Variants in IFRD2 observed in about 807,000 individuals in gnomAD.
IFRD2 encodes the protein interferon related developmental regulator 2, also known as interferon-related developmental regulator 2.
IFRD2 carries 35 observed loss-of-function variants against 49.2 expected under a neutral mutation model. The ratio of observed to expected loss-of-function variants is 0.71; its 90% confidence interval spans 0.54 to 0.94. The LOEUF (loss-of-function observed/expected upper bound fraction) is 0.94, where lower values mean the gene tolerates loss of function less well. IFRD2 is among the 40% of genes least tolerant of loss of function. IFRD2 has a pLI of 0.00. For synonymous variants in IFRD2, 275 were observed against 239.7 expected (o/e 1.15, Z -1.36); for missense variants, 561 against 591.6 (o/e 0.95, Z 0.54).
chr3:50,290,222 C>T lies in IFRD2; in HGVS notation c.336G>A (p.Leu112=). 1 of 1,613,610 alleles carries T rather than the reference C, an allele frequency of 6.2e-7. No homozygotes were observed. Among genetic ancestry groups the T allele is most frequent in the Non-Finnish European group, 8.5e-7 (1 of 1,179,718 alleles). The part of the protein sequence containing the change: ...ALASRLLPDF[L]LERRLTLADA... The stretch of plus-strand genomic sequence containing the variant: ...CGGCTAGCGTGAGGCGGCGCTCCAG[C>T]AAGAAGTCGGGGAGTAGGCGGGACG... The change falls in exon 4 of 12, where the codon TTG becomes TTA. Residue 112 remains leucine, a synonymous_variant. Coordinates refer to ENST00000417626, the MANE Select transcript of IFRD2 (RefSeq NM_006764.5).
At chr3:50,289,876 TCTG>T (rs1276914666) in intron 5 of IFRD2, 50 bp downstream of exon 5, 1 of 1,607,018 alleles carries the variant, frequency 6.2e-7, no homozygotes, top group Non-Finnish European at 8.5e-7. Flanking sequence ...AACCCACCAC[TCTG>T]CTGAGGGATA....
At chr3:50,290,137 A>C in intron 4 of IFRD2, 33 bp downstream of exon 4, 1 of 1,612,428 alleles carries the variant, frequency 6.2e-7, no homozygotes, top group Non-Finnish European at 8.5e-7. Context: ...GTGTCTGCCC[A>C]GTTTAAGTCT....
intron 2 of IFRD2, 29 bp from the exon 3 acceptor site, chr3:50,290,501 C>G (rs782510169): frequency 1.3e-6 from 2 of 1,595,532 alleles, no homozygotes; most frequent in South Asian, 2.3e-5. Flanking sequence ...AGCACCGCTT[C>G]TTGTCCTCAG....
chr3:50,289,145 C>T, intron 8 of IFRD2, 110 bp downstream of exon 8: 3 of 1,180,694 alleles, frequency 2.5e-6, no homozygotes, highest in African/African-American at 1.5e-5. Flanking sequence ...TTGGGGCCAC[C>T]TCCTCTGCAT....
In IFRD2 at chr3:50,290,467, C is replaced by G. The variant is rs1162587255; in HGVS notation, c.184G>C (p.Asp62His). 3.2e-6 allele frequency: 5 copies of G among 1,577,660 alleles called. No individual in the cohort carries two copies. Among genetic ancestry groups the G allele is most frequent in the Admixed American group, 3.7e-5 (2 of 54,354 alleles). ...TGCTGGCCCTGCTCATCCACGACAT[C>G]CCCCCCTGCAAGGCCACCTGGTCAG... is the stretch of plus-strand genomic sequence containing the variant. ...STTAEDSLGG[D>H]VVDEQGQQED... The change falls in exon 3 of 12, where the codon GAT (aspartate) becomes CAT (histidine). Residue 62 changes from aspartate (D) to histidine (H), a missense_variant. Transcript: ENST00000417626.
In IFRD2 at chr3:50,288,402, T is replaced by G; in HGVS notation, c.1248+7A>C. 1 of 1,611,102 alleles carries G rather than the reference T, an allele frequency of 6.2e-7. No individual in the cohort carries two copies. Among genetic ancestry groups the G allele is most frequent in the Non-Finnish European group, 8.5e-7 (1 of 1,178,538 alleles). On this transcript the variant is annotated splice_region_variant and intron_variant, in intron 11 of 11. Transcript: ENST00000417626. Reference sequence around the variant, plus strand: ...GGGGGAAGAGAAAGGTGCCCAAGGGTGCAAACCTTCTCAAAGCGTGGAACC... The same window carrying G: ...GGGGGAAGAGAAAGGTGCCCAAGGGGGCAAACCTTCTCAAAGCGTGGAACC...
At position 50,289,950 on chromosome 3, in the gene IFRD2, AGC is replaced by A. The variant is rs1553709495; in HGVS notation, c.523_524del (p.Ala175Ter). 1 of 1,613,246 alleles carries A rather than the reference AGC, an allele frequency of 6.2e-7. No homozygotes were observed. Among genetic ancestry groups the A allele is most frequent in the Admixed American group, 1.7e-5 (1 of 59,906 alleles). On this transcript the variant is annotated frameshift_variant, in exon 5 of 12. Coordinates refer to ENST00000417626, the MANE Select transcript of IFRD2 (RefSeq NM_006764.5). LOFTEE classifies it high-confidence loss of function. ...LLVSVLSDSTASPAARLHCAS... is the reference protein window; with the variant it reads ...LLVSVLSDSTXSPAARLHCAS... The stretch of plus-strand genomic sequence containing the variant: ...TCACGTGGAGCCGGGCAGCAGGGCT[AGC>A]TGTGCTGTCACTGAGCACAGAGACC...
Position 50,287,954 on chromosome 3 carries a change from G to A in IFRD2, c.*237C>T, listed in dbSNP as rs995925808. On this transcript the variant is annotated 3_prime_UTR_variant, in exon 12 of 12. Transcript: ENST00000417626. Reference sequence around the variant, plus strand: ...TGCCTGCCCCACAGCCCTGAGGAAGGCACATATTTAGCCTGGCCTGAGACA... The same window carrying A: ...TGCCTGCCCCACAGCCCTGAGGAAGACACATATTTAGCCTGGCCTGAGACA... 5.6e-6 allele frequency: 3 copies of A among 537,564 alleles called. No individual in the cohort carries two copies. Among genetic ancestry groups the A allele is most frequent in the Non-Finnish European group, 1.0e-5 (3 of 297,978 alleles). The allele number at this position is 537,564 out of a possible 1,614,324, so 33.3% of individuals were successfully genotyped here.
At chr3:50,289,855 A>G in intron 5 of IFRD2, 74 bp downstream of exon 5, 2 of 1,596,826 alleles carry the variant, frequency 1.3e-6, no homozygotes, top group African/African-American at 1.3e-5. Context: ...AAGGAGGCTG[A>G]AGATAGGGGG....
chr3:50,288,147 A>G lies in IFRD2; in HGVS notation c.*44T>C. On this transcript the variant is annotated 3_prime_UTR_variant, in exon 12 of 12. Transcript: ENST00000417626. The stretch of plus-strand genomic sequence containing the variant: ...TGTTGCACTGTCTTCTGTTAAAAAT[A>G]CGGACCAAGGGCATAGAAAGTCTCC... The G allele has an allele frequency of 2.0e-6, 3 of 1,499,274 alleles. No homozygotes were observed. Among genetic ancestry groups the G allele is most frequent in the Non-Finnish European group, 2.8e-6 (3 of 1,081,532 alleles). The allele number at this position is 1,499,274 out of a possible 1,614,324, so 92.9% of individuals were successfully genotyped here. A position where few individuals can be genotyped will look rare whatever the true frequency, so the allele number is the denominator to read the frequency against.
intron 5 of IFRD2, 37 bp from the exon 6 acceptor site, chr3:50,289,799 G>A (rs1045709259): frequency 2.0e-5 from 32 of 1,587,854 alleles, no homozygotes; most frequent in Middle Eastern, 1.7e-4. Flanking sequence ...CACGGTCAGC[G>A]GGTGAACCTG....
At chr3:50,291,007 CTTTTTTT>C (rs11306616) in intron 1 of IFRD2, among the ~76,000 whole-genome samples, 1 of 94,402 alleles carries the variant, frequency 1.1e-5, no homozygotes, top group East Asian at 2.3e-4. Flanking sequence ...TCCCCGCCAC[CTTTTTTT>C]TTTTTTTTTT....
rs781912025 is a variant in IFRD2 at position 50,288,715 on chromosome 3, C to CA, written c.1024-5dup. ...TCTCTTCTTCGCATTCACCGCCCTG[C>CA]AGGGTAGAGGTGCCAACACAACTGG... On this transcript the variant is annotated splice_region_variant and splice_polypyrimidine_tract_variant and intron_variant, in intron 9 of 11. Coordinates refer to ENST00000417626, the MANE Select transcript of IFRD2 (RefSeq NM_006764.5). 1.2e-6 allele frequency: 2 copies of CA among 1,613,254 alleles called. No individual in the cohort carries two copies. Among genetic ancestry groups the CA allele is most frequent in the South Asian group, 2.2e-5 (2 of 90,966 alleles).
chr3:50,290,477 A>C lies in IFRD2; in HGVS notation c.179-5T>G. The C allele has an allele frequency of 6.3e-7, 1 of 1,581,252 alleles. No individual in the cohort carries two copies. Among genetic ancestry groups the C allele is most frequent in the Non-Finnish European group, 8.6e-7 (1 of 1,162,544 alleles). The stretch of plus-strand genomic sequence containing the variant: ...GCTCATCCACGACATCCCCCCCTGC[A>C]AGGCCACCTGGTCAGCACCGCTTCT... On this transcript the variant is annotated splice_polypyrimidine_tract_variant and splice_region_variant and intron_variant, in intron 2 of 11. Coordinates refer to ENST00000417626, the MANE Select transcript of IFRD2 (RefSeq NM_006764.5).
At chr3:50,289,016 C>T (rs1443425165) in intron 8 of IFRD2, 79 bp from the exon 9 acceptor site, 23 of 1,542,320 alleles carry the variant, frequency 1.5e-5, no homozygotes, top group Non-Finnish European at 1.8e-5. Flanking sequence ...CCAAACCCCT[C>T]CTTTCACTGA....
At position 50,290,190 on chromosome 3, in the gene IFRD2, A is replaced by G. The variant is rs782336815; in HGVS notation, c.368T>C (p.Leu123Pro). The G allele has an allele frequency of 8.7e-6, 14 of 1,613,790 alleles. No homozygotes were observed. The South Asian group carries it at 1.5e-4, about 18-fold the overall frequency. The part of the protein sequence containing the change: ...LERRLTLADA[L>P]EKCLKKGKGE... ...CCAACCTTTCTTGAGGCACTTTTCC[A>G]GGGCATCGGCTAGCGTGAGGCGGCG... Residue 123 changes from leucine to proline, a missense_variant, in exon 4 of 12, where the codon CTG becomes CCG. Coordinates refer to ENST00000417626, the MANE Select transcript of IFRD2 (RefSeq NM_006764.5).
intron 5 of IFRD2, 37 bp from the exon 6 acceptor site, chr3:50,289,799 G>T: frequency 6.3e-7 from 1 of 1,587,852 alleles, no homozygotes; most frequent in East Asian, 2.3e-5. Context: ...CACGGTCAGC[G>T]GGTGAACCTG....
rs2109276204 is a variant in IFRD2, at chr3:50,290,177, G to A, written c.381C>T (p.Leu127=). 1.2e-6 allele frequency: 2 copies of A among 1,613,814 alleles called. No individual in the cohort carries two copies. The highest frequency in any genetic ancestry group is 1.3e-5 in the African/African-American group (1 of 75,066). Residue 127 remains leucine (L), a synonymous_variant, in exon 4 of 12, where the codon CTC becomes CTT. Transcript: ENST00000417626. The part of the protein sequence containing the change: ...LTLADALEKC[L]KKGKGEEQAL... ...CACACCCCCAGGTCCAACCTTTCTT[G>A]AGGCACTTTTCCAGGGCATCGGCTA... is the stretch of plus-strand genomic sequence containing the variant.
At position 50,288,927 on chromosome 3, in the gene IFRD2, A is replaced by G; in HGVS notation, c.896T>C (p.Val299Ala). ...GCAGAGGGCCTCCATGTCCTCGTAA[A>G]CAAACTCCTCCTGCAATGGGAGCAT... Reference protein sequence around the residue: ...ELARDLEEEFVYEDMEALCSV... With the variant: ...ELARDLEEEFAYEDMEALCSV... The change falls in exon 9 of 12, where the codon GTT (valine) becomes GCT (alanine). Residue 299 changes from valine (V) to alanine (A), a missense_variant. Coordinates refer to ENST00000417626, the MANE Select transcript of IFRD2 (RefSeq NM_006764.5). 6.2e-7 allele frequency: 1 copy of G among 1,612,450 alleles called. No homozygotes were observed. Among genetic ancestry groups the G allele is most frequent in the East Asian group, 2.2e-5 (1 of 44,834 alleles).
Sources: allele counts gnomAD v4.1 joint callset (sites outside exome capture counted in the v4.1 genomes callset), GRCh38; gene constraint gnomAD v4.1.1; transcripts MANE v1.5; gene names NCBI Gene and HGNC (gene_info 2026-07-23, HGNC 2026-07-21).